The following TERF1 variants were observed in gnomAD, a reference collection of about 807,000 sequenced individuals.
TERF1 encodes the protein telomeric repeat binding factor 1.
Under a neutral mutation model 55.1 loss-of-function variants are expected in TERF1, and 20 were observed. The observed-to-expected ratio is 0.36, with a 90% CI of 0.26 to 0.53. The LOEUF (loss-of-function observed/expected upper bound fraction) is 0.53, where lower values mean the gene tolerates loss of function less well. Ranked by LOEUF, TERF1 falls within the 20% of genes least tolerant of loss-of-function variation. The pLI is 0.91. For missense variants in TERF1, 439 were observed against 535.7 expected (o/e 0.82, Z 1.78); for synonymous variants, 168 against 181.2 (o/e 0.93, Z 0.59).
At chr8:73,014,253 A>G (rs1262791122) in intron 2 of TERF1, among the ~76,000 whole-genome samples, 1 of 152,108 alleles carries the variant, frequency 6.6e-6, no homozygotes, top group Non-Finnish European at 1.5e-5. Flanking sequence ...TAAAAAAAAA[A>G]AAACATAGTG....
chr8:73,020,507 T>G (rs542789770), intron 2 of TERF1, among the ~76,000 whole-genome samples, 177 bp from the exon 3 acceptor site: 2 of 152,292 alleles, frequency 1.3e-5, no homozygotes, highest in South Asian at 2.1e-4. Flanking sequence ...CTATTTGAAA[T>G]TGATCTTAAT....
At chr8:73,037,407 A>C (rs1809579766) in intron 8 of TERF1, among the ~76,000 whole-genome samples, 1 of 129,884 alleles carries the variant, frequency 7.7e-6, no homozygotes, top group Non-Finnish European at 1.6e-5. Flanking sequence ...TGGGGGGAAA[A>C]TACATATAAA....
chr8:73,032,906 A>G (rs954540999), intron 8 of TERF1, among the ~76,000 whole-genome samples: 16 of 151,776 alleles, frequency 1.1e-4, no homozygotes, highest in Admixed American at 2.6e-4. Flanking sequence ...TTTAGGGTAC[A>G]TGTTCACAAC....
chr8:73,041,237 TTATC>T (rs1192352364), intron 9 of TERF1, among the ~76,000 whole-genome samples: 1 of 151,948 alleles, frequency 6.6e-6, no homozygotes, highest in Non-Finnish European at 1.5e-5. Flanking sequence ...GGTTTTATGT[TTATC>T]TGTCTAGGAG....
intron 7 of TERF1, chr8:73,030,627 C>A: frequency 2.7e-6 from 1 of 363,798 alleles, no homozygotes; most frequent in Non-Finnish European, 4.9e-6. Flanking sequence ...TATTGGAATA[C>A]ACATATAGGG....
chr8:73,013,096 A>T (rs1808349545), intron 1 of TERF1, among the ~76,000 whole-genome samples: 1 of 152,216 alleles, frequency 6.6e-6, no homozygotes, highest in South Asian at 2.1e-4. Flanking sequence ...TTCGTCTTAT[A>T]TGCTTAATTG....
chr8:73,037,397 T>G (rs1809578882), intron 8 of TERF1, among the ~76,000 whole-genome samples: 1 of 130,860 alleles, frequency 7.6e-6, no homozygotes, highest in African/African-American at 2.8e-5. Flanking sequence ...ATAAAATATT[T>G]GGGGGGAAAA....
intron 7 of TERF1, 133 bp from the exon 8 acceptor site, chr8:73,031,909 G>T (rs574256492): frequency 1.8e-6 from 1 of 549,254 alleles, no homozygotes; most frequent in East Asian, 3.1e-5. Context: ...TACTAAGCAG[G>T]GAGAGCACCA....
intron 5 of TERF1, among the ~76,000 whole-genome samples, chr8:73,025,363 A>G (rs529372659): frequency 1.3e-5 from 2 of 152,356 alleles, no homozygotes; most frequent in Non-Finnish European, 2.9e-5. Context: ...GCGGTGGCTC[A>G]TGCCTGTAAT....
rs1227194945 is a variant in TERF1 at position 73,009,118 on chromosome 8, A to G, written c.232A>G (p.Met78Val). The change falls in exon 1 of 10, where the codon ATG (methionine) becomes GTG (valine). Residue 78 changes from methionine (M) to valine (V), a missense_variant. By Grantham distance (21) the Met-to-Val change is conservative. Coordinates refer to ENST00000276603, the MANE Select transcript of TERF1 (RefSeq NM_017489.3). Reference protein sequence around the residue: ...AEAEAVAAGWMLDFLCLSLCR... With the variant: ...AEAEAVAAGWVLDFLCLSLCR... ...GGCCGAGGCCGTGGCTGCCGGCTGG[A>G]TGCTCGATTTCCTCTGCCTCTCTCT... The G allele has an allele frequency of 6.2e-7, 1 of 1,610,744 alleles. No individual in the cohort carries two copies. Among genetic ancestry groups the G allele is most frequent in the East Asian group, 2.2e-5 (1 of 44,864 alleles).
rs556021169 is a variant in TERF1, at chr8:73,036,962, A to AT, written c.1040-2145dup. Among the ~76,000 whole-genome samples, 137 of 139,454 alleles carry AT rather than the reference A, an allele frequency of 9.8e-4. 1 individual carries two copies. Among genetic ancestry groups the AT allele is most frequent in the African/African-American group, 3.4e-3 (128 of 38,086 alleles). The allele number at this position is 139,454 out of a possible 152,430, so 91.5% of individuals were successfully genotyped here. Reference sequence around the variant, plus strand: ...TTCAGTCTGTGAATATGCTTCATAGATTTTTTTTTAAAGATTTGTTTAATG... The same window carrying AT: ...TTCAGTCTGTGAATATGCTTCATAGATTTTTTTTTTAAAGATTTGTTTAATG... On this transcript the variant is annotated intron_variant, in intron 8 of 9. Coordinates refer to ENST00000276603, the MANE Select transcript of TERF1 (RefSeq NM_017489.3).
chr8:73,031,574 G>C (rs981527708), intron 7 of TERF1: 2 of 152,172 alleles, frequency 1.3e-5, no homozygotes, highest in Non-Finnish European at 2.9e-5. Context: ...GCCACATCCT[G>C]TGTTTCCAAA....
intron 9 of TERF1, among the ~76,000 whole-genome samples, chr8:73,041,889 A>G (rs1202582824): frequency 3.3e-5 from 5 of 152,122 alleles, no homozygotes; most frequent in Non-Finnish European, 7.4e-5. Flanking sequence ...ATCCTCCATC[A>G]GTTCCTCAGT....
intron 5 of TERF1, 52 bp from the exon 6 acceptor site, chr8:73,026,888 A>AT: frequency 7.5e-7 from 1 of 1,340,372 alleles, no homozygotes; most frequent in Non-Finnish European, 1.1e-6. Context: ...TTTGTTTAAA[A>AT]TGGCTTAATG....
intron 1 of TERF1, chr8:73,009,484 A>C: frequency 2.3e-6 from 1 of 428,574 alleles, no homozygotes; most frequent in African/African-American, 2.1e-5. Flanking sequence ...ATACAGTTCC[A>C]CTCAACCCAG....
chr8:73,032,579 A>G (rs1412085247), intron 8 of TERF1, among the ~76,000 whole-genome samples: 1 of 150,278 alleles, frequency 6.7e-6, no homozygotes, highest in Admixed American at 6.6e-5. Context: ...CTATATGAAT[A>G]TATATATATA....
At chr8:73,032,213 G>A in intron 8 of TERF1, 80 bp downstream of exon 8, 4 of 964,922 alleles carry the variant, frequency 4.1e-6, no homozygotes, top group African/African-American at 1.7e-5. Context: ...TACCACTATA[G>A]CAAAAAAACA....
intron 8 of TERF1, among the ~76,000 whole-genome samples, chr8:73,033,841 T>A (rs117557056): frequency 0.011 from 1,611 of 152,334 alleles, 20 homozygotes; most frequent in Non-Finnish European, 0.013. Flanking sequence ...GTGTCAGTAA[T>A]AAGTACGTTT....
Position 73,022,248 on chromosome 8 carries a change from T to C in TERF1, c.570T>C (p.Phe190=), listed in dbSNP as rs746970786. 1 of 1,591,636 alleles carries C rather than the reference T, an allele frequency of 6.3e-7. No homozygotes were observed. The highest frequency in any genetic ancestry group is 8.5e-7 in the Non-Finnish European group (1 of 1,172,786). Residue 190 remains phenylalanine (F), a synonymous_variant, in exon 4 of 10, where the codon TTT becomes TTC. Transcript: ENST00000276603. ...CTGTTTGTATGGAAAATGGCAACTT[T>C]AAAGAAGCAGAAGAAGTCTTTGAAA... ...AIAVCMENGN[F]KEAEEVFERI... is the part of the protein sequence containing the mutation.
Sources: allele counts gnomAD v4.1 joint callset (sites outside exome capture counted in the v4.1 genomes callset), GRCh38; gene constraint gnomAD v4.1.1; transcripts MANE v1.5; gene names NCBI Gene and HGNC (gene_info 2026-07-23, HGNC 2026-07-21).